UNC5D: variants seen among roughly 807,000 people sequenced by gnomAD.
UNC5D encodes the protein unc-5 netrin receptor D, also known as netrin receptor UNC5D.
A neutral mutation model predicts 105.4 loss-of-function variants in UNC5D; 39 were observed. The observed-to-expected ratio is 0.37, with a 90% CI of 0.29 to 0.48. UNC5D has a LOEUF of 0.48. Ranked by LOEUF, UNC5D falls within the 20% of genes least tolerant of loss-of-function variation. The pLI, the probability that UNC5D is intolerant of heterozygous loss-of-function variation, is 0.98. For missense variants in UNC5D, 991 were observed against 1,202.4 expected (o/e 0.82, Z 2.60); for synonymous variants, 452 against 450.4 (o/e 1.00, Z -0.04).
At position 35,676,968 on chromosome 8, in the gene UNC5D, T is replaced by C. The variant is rs151308925; in HGVS notation, c.571-6579T>C. 6.3e-3 allele frequency among the ~76,000 whole-genome samples: 962 copies of C among 151,956 alleles called. 11 individuals are homozygous for C. The highest frequency in any genetic ancestry group is 0.022 in the African/African-American group (910 of 41,404). On this transcript the variant is annotated intron_variant, in intron 4 of 16. Transcript: ENST00000404895. ...GGGCCATCATATAAGAATCAAAAAA[T>C]ATTACATTGAAATAAACATCTCTGG... is the stretch of plus-strand genomic sequence containing the variant.
At chr8:35,623,030 A>G (rs1466210537) in intron 4 of UNC5D, among the ~76,000 whole-genome samples, 3 of 152,208 alleles carry the variant, frequency 2.0e-5, no homozygotes, top group Non-Finnish European at 4.4e-5. Context: ...TGTCATTGCA[A>G]GTGCTCTGTA....
In UNC5D at chr8:35,305,562, C is replaced by T. The variant is rs994791693; in HGVS notation, c.103+69675C>T. 5.0e-3 allele frequency among the ~76,000 whole-genome samples: 318 copies of T among 63,310 alleles called. 2 individuals are homozygous for T. The highest frequency in any genetic ancestry group is 0.021 in the African/African-American group (312 of 15,134). 41.5% of individuals were successfully genotyped at this position (63,310 alleles called of 152,430 possible). A position where few individuals can be genotyped will look rare whatever the true frequency, so the allele number is the denominator to read the frequency against. On this transcript the variant is annotated intron_variant, in intron 1 of 16. Coordinates refer to ENST00000404895, the MANE Select transcript of UNC5D (RefSeq NM_080872.4). ...TCTTTTCTTTTTTCTTCTCTTCCTT[C>T]CTTTCTTTCTTTCTTTTTCTTTCTT... is the stretch of plus-strand genomic sequence containing the variant.
chr8:35,734,306 C>T, intron 11 of UNC5D, among the ~76,000 whole-genome samples: 1 of 115,694 alleles, frequency 8.6e-6, no homozygotes. Flanking sequence ...ACTCCCTCTG[C>T]AGGGGAGGAA....
intron 4 of UNC5D, among the ~76,000 whole-genome samples, chr8:35,671,131 G>A (rs1824771364): frequency 6.6e-6 from 1 of 151,934 alleles, no homozygotes; most frequent in African/African-American, 2.4e-5. Flanking sequence ...CTTCATAATA[G>A]TAAAACCATT....
intron 15 of UNC5D, among the ~76,000 whole-genome samples, chr8:35,771,337 G>A (rs1802003762): frequency 6.6e-6 from 1 of 152,098 alleles, no homozygotes; most frequent in African/African-American, 2.4e-5. Context: ...CTTTAGCATG[G>A]ACACTTCCAA....
chr8:35,742,131 G>C (rs936032285), intron 11 of UNC5D, among the ~76,000 whole-genome samples: 12 of 152,138 alleles, frequency 7.9e-5, no homozygotes, highest in African/African-American at 2.9e-4. Context: ...GTTGGGGTTG[G>C]CTGATGGGAA....
intron 1 of UNC5D, among the ~76,000 whole-genome samples, chr8:35,388,753 C>T (rs1803592571): frequency 6.6e-6 from 1 of 152,130 alleles, no homozygotes; most frequent in Admixed American, 6.5e-5. Flanking sequence ...TGCCAAGATT[C>T]TTACATGTCA....
intron 7 of UNC5D, among the ~76,000 whole-genome samples, chr8:35,692,556 C>T (rs1285733389): frequency 1.3e-5 from 2 of 152,140 alleles, no homozygotes. Flanking sequence ...TGTCCCTTTA[C>T]CCAAACAAAA....
chr8:35,671,665 G>GTTGT (rs1379597508), intron 4 of UNC5D, among the ~76,000 whole-genome samples: 2 of 152,128 alleles, frequency 1.3e-5, no homozygotes, highest in Admixed American at 6.6e-5. Flanking sequence ...TTGTTTTGCA[G>GTTGT]TTGTTTTATT....
At chr8:35,468,501 A>G (rs918911529) in intron 1 of UNC5D, among the ~76,000 whole-genome samples, 1 of 152,200 alleles carries the variant, frequency 6.6e-6, no homozygotes, top group African/African-American at 2.4e-5. Context: ...TCAAATTTGA[A>G]TATTCAGTGC....
intron 1 of UNC5D, among the ~76,000 whole-genome samples, chr8:35,422,904 T>A (rs949590956): frequency 6.6e-6 from 1 of 152,138 alleles, no homozygotes; most frequent in Admixed American, 6.5e-5. Flanking sequence ...AGTGGTCACA[T>A]GGGTAGATGT....
In UNC5D at chr8:35,796,208, T is replaced by C. The variant is rs1160589107; in HGVS notation, c.*5645T>C. On this transcript the variant is annotated 3_prime_UTR_variant, in exon 17 of 17. Coordinates refer to ENST00000404895, the MANE Select transcript of UNC5D (RefSeq NM_080872.4). ...GAGAGAGGTTGAATGAAGCATAGCC[T>C]TGGCTTCATACCACACTTTTTGTGC... 2.0e-5 allele frequency: 3 copies of C among 152,156 alleles called. No homozygotes were observed. 9.4% of individuals were successfully genotyped at this position (152,156 alleles called of 1,614,324 possible).
At chr8:35,622,429 G>A (rs1216026737) in intron 4 of UNC5D, among the ~76,000 whole-genome samples, 1 of 152,108 alleles carries the variant, frequency 6.6e-6, no homozygotes, top group Non-Finnish European at 1.5e-5. Flanking sequence ...CAAGAGCATG[G>A]ATCTTGATGC....
intron 4 of UNC5D, among the ~76,000 whole-genome samples, chr8:35,674,683 G>C (rs1487074944): frequency 2.0e-5 from 3 of 152,090 alleles, no homozygotes; most frequent in Non-Finnish European, 1.5e-5. Flanking sequence ...CAGAGTCCTG[G>C]CATGTGCGAG....
At chr8:35,664,653 A>G (rs1824315186) in intron 4 of UNC5D, among the ~76,000 whole-genome samples, 1 of 152,054 alleles carries the variant, frequency 6.6e-6, no homozygotes, top group South Asian at 2.1e-4. Context: ...TGCTGAGATT[A>G]CAGGTGTGAG....
intron 1 of UNC5D, among the ~76,000 whole-genome samples, chr8:35,239,804 T>C (rs1802692602): frequency 6.6e-6 from 1 of 152,222 alleles, no homozygotes; most frequent in Admixed American, 6.5e-5. Context: ...AATAGATCAA[T>C]GGAAACGTTC....
rs149585806 is a variant in UNC5D, at chr8:35,498,485, T to G, written c.104-50807T>G. Among the ~76,000 whole-genome samples, 286 of 152,166 alleles carry G rather than the reference T, an allele frequency of 1.9e-3. 1 individual carries two copies. The highest frequency in any genetic ancestry group is 6.4e-3 in the African/African-American group (266 of 41,514). On this transcript the variant is annotated intron_variant, in intron 1 of 16. Transcript: ENST00000404895. ...TACAGGAAACATGCAAAGTTATATA[T>G]AGGAAAGAGATGGCAAACATGATGG...
intron 3 of UNC5D, among the ~76,000 whole-genome samples, chr8:35,571,286 A>G (rs1016529522): frequency 3.9e-5 from 6 of 152,260 alleles, no homozygotes; most frequent in African/African-American, 1.2e-4. Context: ...GATGTAATAA[A>G]GATGTGATTT....
intron 7 of UNC5D, among the ~76,000 whole-genome samples, chr8:35,701,005 C>A (rs971211976): frequency 6.6e-6 from 1 of 152,098 alleles, no homozygotes; most frequent in African/African-American, 2.4e-5. Flanking sequence ...TAACACATAT[C>A]TTTTTGGGGG....
Sources: gnomAD v4.1 joint callset for allele counts (sites outside exome capture counted in the v4.1 genomes callset) on GRCh38, gnomAD v4.1.1 for gene constraint, MANE v1.5 for transcripts, NCBI Gene and HGNC (gene_info 2026-07-23, HGNC 2026-07-21) for gene names.